Variants in ZNF804A observed in about 807,000 individuals in gnomAD.
ZNF804A encodes the protein zinc finger protein 804A.
ZNF804A carries 2 observed loss-of-function variants against 16.5 expected under a neutral mutation model. That is an observed-to-expected ratio of 0.12 (90% CI 0.05 to 0.38). The LOEUF is 0.38. ZNF804A is among the 10% of genes least tolerant of loss of function. ZNF804A has a pLI of 0.99. For missense variants in ZNF804A, 1,473 were observed against 1,390.7 expected (o/e 1.06, Z -0.94); for synonymous variants, 534 against 489.6 (o/e 1.09, Z -1.20).
intron 2 of ZNF804A, among the ~76,000 whole-genome samples, chr2:184,870,558 A>T (rs530338655): frequency 1.3e-5 from 2 of 152,216 alleles, no homozygotes; most frequent in South Asian, 4.1e-4. Context: ...CTGGAGAATT[A>T]TAATTAGTGC....
chr2:184,759,438 A>G (rs1233615016), intron 1 of ZNF804A, among the ~76,000 whole-genome samples: 1 of 151,828 alleles, frequency 6.6e-6, no homozygotes, highest in Non-Finnish European at 1.5e-5. Flanking sequence ...GAGTAAACAG[A>G]TAAATTGCAT....
intron 1 of ZNF804A, among the ~76,000 whole-genome samples, chr2:184,649,532 A>T (rs1272921813): frequency 6.6e-6 from 1 of 152,056 alleles, no homozygotes; most frequent in South Asian, 2.1e-4. Context: ...TAACAACTAG[A>T]TTAAGAAAGA....
intron 1 of ZNF804A, among the ~76,000 whole-genome samples, chr2:184,747,159 T>C (rs1306501540): frequency 6.6e-6 from 1 of 151,094 alleles, no homozygotes; most frequent in African/African-American, 2.4e-5. Flanking sequence ...AGTAGAGAAG[T>C]TCCATTCTCT....
At chr2:184,802,812 T>A (rs1349433929) in intron 1 of ZNF804A, among the ~76,000 whole-genome samples, 1 of 152,210 alleles carries the variant, frequency 6.6e-6, no homozygotes, top group African/African-American at 2.4e-5. Flanking sequence ...ATCTTCCAAA[T>A]AAATTACATT....
At chr2:184,863,022 G>C (rs998056800) in intron 1 of ZNF804A, among the ~76,000 whole-genome samples, 2 of 152,076 alleles carry the variant, frequency 1.3e-5, no homozygotes, top group Non-Finnish European at 2.9e-5. Context: ...ATAAAGCTAG[G>C]AAGACATTTA....
intron 1 of ZNF804A, among the ~76,000 whole-genome samples, chr2:184,724,899 G>T (rs1422192734): frequency 2.6e-5 from 4 of 151,752 alleles, no homozygotes; most frequent in African/African-American, 7.2e-5. Flanking sequence ...ATGAAATAAT[G>T]TGGTAATTTT....
At chr2:184,711,684 T>C (rs965366647) in intron 1 of ZNF804A, among the ~76,000 whole-genome samples, 2 of 151,734 alleles carry the variant, frequency 1.3e-5, no homozygotes, top group African/African-American at 4.8e-5. Flanking sequence ...TCCAATTTTA[T>C]TGTTTTTCAT....
intron 1 of ZNF804A, among the ~76,000 whole-genome samples, chr2:184,752,962 G>A (rs1693898727): frequency 6.6e-6 from 1 of 151,516 alleles, no homozygotes; most frequent in African/African-American, 2.4e-5. Context: ...AAAAAAATAA[G>A]TTTTGGTGAA....
chr2:184,700,077 A>G (rs1382141284), intron 1 of ZNF804A, among the ~76,000 whole-genome samples: 1 of 152,144 alleles, frequency 6.6e-6, no homozygotes, highest in African/African-American at 2.4e-5. Flanking sequence ...CAGACTACAT[A>G]GTTCTTAGAG....
chr2:184,828,733 T>C (rs1363656594), intron 1 of ZNF804A, among the ~76,000 whole-genome samples: 1 of 151,902 alleles, frequency 6.6e-6, no homozygotes, highest in Admixed American at 6.6e-5. Flanking sequence ...CCTCTACTTT[T>C]GAGCTTCTGT....
chr2:184,915,855 A>G (rs1685441399), intron 2 of ZNF804A, among the ~76,000 whole-genome samples: 1 of 152,146 alleles, frequency 6.6e-6, no homozygotes, highest in African/African-American at 2.4e-5. Flanking sequence ...TCATGGTAGT[A>G]ATGGGAAAGG....
At chr2:184,753,432 C>G (rs1029782998) in intron 1 of ZNF804A, among the ~76,000 whole-genome samples, 3 of 151,520 alleles carry the variant, frequency 2.0e-5, no homozygotes, top group African/African-American at 7.3e-5. Context: ...TATGCAATAC[C>G]AATTCCCTCA....
At chr2:184,661,034 C>A (rs565667833) in intron 1 of ZNF804A, among the ~76,000 whole-genome samples, 1 of 152,140 alleles carries the variant, frequency 6.6e-6, no homozygotes, top group Non-Finnish European at 1.5e-5. Flanking sequence ...TTATAATGAA[C>A]CTGTTGACCA....
chr2:184,719,051 TC>T (rs1693258765), intron 1 of ZNF804A, among the ~76,000 whole-genome samples: 1 of 152,180 alleles, frequency 6.6e-6, no homozygotes, highest in African/African-American at 2.4e-5. Context: ...TTCAGGCATT[TC>T]CGTACATCTT....
chr2:184,754,563 G>T (rs1180236502), intron 1 of ZNF804A, among the ~76,000 whole-genome samples: 1 of 151,786 alleles, frequency 6.6e-6, no homozygotes, highest in African/African-American at 2.4e-5. Context: ...ATTAATGGTA[G>T]AAATAAGTGT....
At chr2:184,926,051 G>A (rs758706775) in intron 2 of ZNF804A, among the ~76,000 whole-genome samples, 3 of 151,986 alleles carry the variant, frequency 2.0e-5, no homozygotes, top group Non-Finnish European at 2.9e-5. Flanking sequence ...CTGTTACAGT[G>A]TTACAGTGTT....
chr2:184,709,444 T>A (rs77071609), intron 1 of ZNF804A, among the ~76,000 whole-genome samples: 2 of 152,016 alleles, frequency 1.3e-5, no homozygotes. Flanking sequence ...TCTCTGAAAT[T>A]TTTTTCCTGT....
intron 1 of ZNF804A, among the ~76,000 whole-genome samples, chr2:184,731,405 G>A (rs1206037838): frequency 6.6e-6 from 1 of 151,824 alleles, no homozygotes; most frequent in East Asian, 1.9e-4. Context: ...GGTGTTGTCA[G>A]TGTTCTGGAT....
intron 2 of ZNF804A, among the ~76,000 whole-genome samples, chr2:184,903,001 GA>G (rs1173832617): frequency 1.3e-5 from 2 of 152,184 alleles, no homozygotes; most frequent in East Asian, 1.9e-4. Context: ...AGTTTCCCTA[GA>G]AAAAAATTCT....
Sources: allele counts gnomAD v4.1 joint callset (sites outside exome capture counted in the v4.1 genomes callset), GRCh38; gene constraint gnomAD v4.1.1; transcripts MANE v1.5; gene names NCBI Gene and HGNC (gene_info 2026-07-23, HGNC 2026-07-21).